The following SVEP1 variants were observed in gnomAD, a reference collection of about 807,000 sequenced individuals.
SVEP1 encodes sushi, von Willebrand factor type A, EGF and pentraxin domain-containing protein 1.
In SVEP1, 164 loss-of-function variants were observed where a neutral mutation model predicts 367.3. That is an observed-to-expected ratio of 0.45 (90% CI 0.39 to 0.51). SVEP1 has a LOEUF of 0.51. Among genes scored for constraint, SVEP1 ranks in the 20% least tolerant of loss-of-function variants. SVEP1 has a pLI of 0.00. For synonymous variants in SVEP1, 1,666 were observed against 1,611.6 expected, an observed-to-expected ratio of 1.03 and a Z score of -0.81; for missense variants, 4,117 against 4,425.3, an observed-to-expected ratio of 0.93 and a Z score of 1.98.
chr9:110,560,704 A>T (rs1830416858), intron 1 of SVEP1, among the ~76,000 whole-genome samples: 1 of 152,160 alleles, frequency 6.6e-6, no homozygotes, highest in East Asian at 1.9e-4. Flanking sequence ...TATATCAAAT[A>T]TCTTTCAAGT....
chr9:110,555,533 A>C (rs1005931937), intron 1 of SVEP1, among the ~76,000 whole-genome samples: 2 of 152,234 alleles, frequency 1.3e-5, no homozygotes, highest in African/African-American at 4.8e-5. Flanking sequence ...TGTCAATAAC[A>C]TTCTTTAACA....
chr9:110,494,698 T>C (rs78229991), intron 8 of SVEP1, among the ~76,000 whole-genome samples: 18,817 of 152,210 alleles, frequency 0.12, 1,287 homozygotes, highest in Middle Eastern at 0.14. Flanking sequence ...TTCTTTCTTT[T>C]TATTCTTTCT....
At chr9:110,471,250 A>C in intron 16 of SVEP1, 114 bp downstream of exon 16, 1 of 890,086 alleles carries the variant, frequency 1.1e-6, no homozygotes, top group African/African-American at 1.7e-5. Flanking sequence ...CAACCACACA[A>C]CAAGAGCAAA....
At chr9:110,545,143 C>T (rs1830202952) in intron 3 of SVEP1, among the ~76,000 whole-genome samples, 1 of 152,186 alleles carries the variant, frequency 6.6e-6, no homozygotes, top group African/African-American at 2.4e-5. Context: ...ATATAGACCA[C>T]ATTTTCTTTA....
rs749538937 is a variant in SVEP1 at position 110,513,153 on chromosome 9, T to G, written c.1124-48A>C. The G allele has an allele frequency of 2.6e-6, 4 of 1,529,902 alleles. No homozygotes were observed. The East Asian group carries it at 6.8e-5, about 26-fold the overall frequency. 94.8% of individuals were successfully genotyped at this position (1,529,902 alleles called of 1,614,324 possible). On this transcript the variant is annotated intron_variant, in intron 4 of 47. Transcript: ENST00000374469. ...TGAAAAGCAAAGTTAGCCTTTTGTC[T>G]ATGACATATCCTTTTTTTTTTTTCT...
At chr9:110,369,718 A>T (rs1827249241) in intron 47 of SVEP1, 2 of 546,220 alleles carry the variant, frequency 3.7e-6, no homozygotes, top group African/African-American at 1.9e-5. Context: ...TATTTTTGAG[A>T]TATTCTTGTT....
At chr9:110,565,873 G>A (rs1420647214) in intron 1 of SVEP1, among the ~76,000 whole-genome samples, 1 of 151,928 alleles carries the variant, frequency 6.6e-6, no homozygotes, top group Non-Finnish European at 1.5e-5. Context: ...TGACATAGAG[G>A]TAGTTCTGCA....
At chr9:110,537,932 AT>A (rs1053238586) in intron 3 of SVEP1, among the ~76,000 whole-genome samples, 4 of 151,776 alleles carry the variant, frequency 2.6e-5, no homozygotes, top group African/African-American at 9.7e-5. Context: ...TTCACGTATC[AT>A]TTTTATTGGA....
intron 8 of SVEP1, among the ~76,000 whole-genome samples, chr9:110,490,545 T>C (rs1005734974): frequency 6.6e-6 from 1 of 151,640 alleles, no homozygotes; most frequent in Admixed American, 6.6e-5. Flanking sequence ...TGAGATCTAC[T>C]TTTTTTTAGC....
rs545491568 is a variant in SVEP1 at position 110,411,312 on chromosome 9, G to T, written c.6399C>A (p.Asn2133Lys). ...TGCACTGGATGGACATGGGGGAAGG[G>T]TTCCACTGCCCACCTCTCATACATT... Reference protein sequence around the residue: ...KIECMRGGQWNPSPMSIQCIP... With the variant: ...KIECMRGGQWKPSPMSIQCIP... The change falls in exon 37 of 48, where the codon AAC becomes AAA. Residue 2133 changes from asparagine to lysine, a missense_variant. By Grantham distance (94) the Asn-to-Lys change is moderately conservative. Transcript: ENST00000374469. 7 of 1,614,044 alleles carry T rather than the reference G, an allele frequency of 4.3e-6. No individual in the cohort carries two copies. The African/African-American group carries it at 8.0e-5, about 18-fold the overall frequency.
At chr9:110,374,959 GT>G (rs11428970) in intron 46 of SVEP1, among the ~76,000 whole-genome samples, 1 of 149,756 alleles carries the variant, frequency 6.7e-6, no homozygotes, top group East Asian at 2.0e-4. Flanking sequence ...TGGATAAAGT[GT>G]TTTTTTTTTC....
At chr9:110,572,430 G>A (rs1465900925) in intron 1 of SVEP1, among the ~76,000 whole-genome samples, 2 of 152,156 alleles carry the variant, frequency 1.3e-5, no homozygotes, top group African/African-American at 2.4e-5. Context: ...TTTAACAGTA[G>A]CAGTAGGTAC....
At chr9:110,398,770 A>G (rs1207698800) in intron 40 of SVEP1, among the ~76,000 whole-genome samples, 2 of 152,240 alleles carry the variant, frequency 1.3e-5, no homozygotes, top group Non-Finnish European at 2.9e-5. Flanking sequence ...GCCATCAGAG[A>G]AATGCAAATC....
intron 18 of SVEP1, among the ~76,000 whole-genome samples, chr9:110,465,410 T>C (rs575172542): frequency 6.6e-6 from 1 of 152,308 alleles, no homozygotes; most frequent in East Asian, 1.9e-4. Context: ...AATGTGAAGA[T>C]GATTCTAATG....
intron 10 of SVEP1, 38 bp downstream of exon 10, chr9:110,483,548 T>C (rs747458794): frequency 6.8e-7 from 1 of 1,468,744 alleles, no homozygotes; most frequent in Admixed American, 2.2e-5. Context: ...AAAGAATTCA[T>C]TGCTACTATG....
chr9:110,431,630 C>T (rs1161066673), intron 32 of SVEP1, among the ~76,000 whole-genome samples: 4 of 152,242 alleles, frequency 2.6e-5, no homozygotes, highest in African/African-American at 9.6e-5. Flanking sequence ...TTTCTATATC[C>T]ACTCTATTAT....
At chr9:110,382,065 T>C (rs1486981244) in intron 43 of SVEP1, among the ~76,000 whole-genome samples, 1 of 152,068 alleles carries the variant, frequency 6.6e-6, no homozygotes. Flanking sequence ...GTGGGGCATT[T>C]AGCTCATTTA....
intron 8 of SVEP1, among the ~76,000 whole-genome samples, chr9:110,495,622 C>T (rs1354881048): frequency 2.0e-5 from 3 of 151,844 alleles, no homozygotes; most frequent in Non-Finnish European, 2.9e-5. Context: ...CCCCCCGCCG[C>T]CCCCAGTGTA....
At chr9:110,393,937 CACAG>C (rs1264025363) in intron 40 of SVEP1, among the ~76,000 whole-genome samples, 1 of 152,198 alleles carries the variant, frequency 6.6e-6, no homozygotes, top group African/African-American at 2.4e-5. Context: ...GGGGGCAGGG[CACAG>C]ACAAACAAAA....
Sources: gnomAD v4.1 joint callset for allele counts (sites outside exome capture counted in the v4.1 genomes callset) on GRCh38, gnomAD v4.1.1 for gene constraint, MANE v1.5 for transcripts, NCBI Gene and HGNC (gene_info 2026-07-23, HGNC 2026-07-21) for gene names.